LONRF1: variants seen among roughly 807,000 people sequenced by gnomAD.
The protein encoded by LONRF1 is LON peptidase N-terminal domain and RING finger protein 1.
In LONRF1, 37 loss-of-function variants were observed where a neutral mutation model predicts 85.8. The observed-to-expected ratio is 0.43, with a 90% confidence interval of 0.33 to 0.57. LONRF1 has a LOEUF of 0.57. Among genes scored for constraint, LONRF1 ranks in the 20% least tolerant of loss-of-function variants. LONRF1 has a pLI of 0.04. For synonymous variants in LONRF1, 517 were observed against 390.1 expected (o/e 1.33, Z -3.83); for missense variants, 1,036 against 978.0 (o/e 1.06, Z -0.79).
chr8:12,735,087 T>C (rs1322683592), intron 7 of LONRF1, among the ~76,000 whole-genome samples, 199 bp downstream of exon 7: 1 of 152,178 alleles, frequency 6.6e-6, no homozygotes, highest in Non-Finnish European at 1.5e-5. Context: ...CTTCAGCATC[T>C]GTCTTCTTTC....
At chr8:12,753,453 C>G (rs1426002262) in intron 1 of LONRF1, 3 of 152,174 alleles carry the variant, frequency 2.0e-5, no homozygotes, top group Admixed American at 6.5e-5. Flanking sequence ...ACGCGTAACA[C>G]AAGGTTTATC....
At chr8:12,735,605 C>G (rs945898502) in intron 6 of LONRF1, 9 of 527,742 alleles carry the variant, frequency 1.7e-5, no homozygotes, top group African/African-American at 1.3e-4. Flanking sequence ...GGCCTCCTGC[C>G]AAAGGCCTAG....
At chr8:12,724,531 G>A (rs1032381340) in intron 11 of LONRF1, among the ~76,000 whole-genome samples, 2 of 152,082 alleles carry the variant, frequency 1.3e-5, no homozygotes, top group Non-Finnish European at 2.9e-5. Context: ...TACATCCTAC[G>A]TCAAACCCTT....
chr8:12,754,336 C>G (rs1466934012), intron 1 of LONRF1: 1 of 177,712 alleles, frequency 5.6e-6, no homozygotes. Context: ...AGGAAGCGAG[C>G]GGCCGCTCGG....
chr8:12,751,613 C>G (rs1406030903), intron 1 of LONRF1, among the ~76,000 whole-genome samples: 1 of 151,114 alleles, frequency 6.6e-6, no homozygotes, highest in African/African-American at 2.4e-5. Context: ...TCAAGCATTA[C>G]AGAATTAATA....
In LONRF1 at chr8:12,728,890, T is replaced by G; in HGVS notation, c.2010+11A>C. ...TACGAAAGTATGCTGGCAAAGCACA[T>G]TTTAAAATACCTTAACATCTTCCAG... On this transcript the variant is annotated intron_variant, in intron 10 of 11. Transcript: ENST00000398246. 6.2e-7 allele frequency: 1 copy of G among 1,613,664 alleles called. No homozygotes were observed. Among genetic ancestry groups the G allele is most frequent in the Non-Finnish European group, 8.5e-7 (1 of 1,179,664 alleles).
At chr8:12,751,294 A>ATGTTTTTTTTTTGTTTGTTTTT (rs1554469320) in intron 1 of LONRF1, among the ~76,000 whole-genome samples, 28 of 84,814 alleles carry the variant, frequency 3.3e-4, no homozygotes, top group African/African-American at 1.1e-3. Flanking sequence ...TTTTATTTTT[A>ATGTTTTTTTTTTGTTTGTTTTT]TGTTTTTTTT....
intron 1 of LONRF1, among the ~76,000 whole-genome samples, chr8:12,749,209 C>T (rs952708373): frequency 5.3e-5 from 8 of 152,080 alleles, no homozygotes; most frequent in African/African-American, 1.9e-4. Flanking sequence ...ATACAAGATA[C>T]AGAAGAGTAT....
chr8:12,733,586 A>G (rs1379385357), intron 7 of LONRF1, among the ~76,000 whole-genome samples: 2 of 152,106 alleles, frequency 1.3e-5, no homozygotes, highest in African/African-American at 2.4e-5. Context: ...TCAGTGACAG[A>G]TATATAATAT....
chr8:12,725,597 G>A, intron 11 of LONRF1, 130 bp downstream of exon 11: 3 of 801,884 alleles, frequency 3.7e-6, no homozygotes, highest in Middle Eastern at 2.5e-4. Flanking sequence ...GATGAGGTGG[G>A]GCTGGTGCGG....
intron 1 of LONRF1, among the ~76,000 whole-genome samples, chr8:12,748,621 T>C (rs1461530164): frequency 6.6e-6 from 1 of 152,214 alleles, no homozygotes; most frequent in African/African-American, 2.4e-5. Flanking sequence ...AAATTAAAAA[T>C]AGCATCGTAA....
intron 8 of LONRF1, among the ~76,000 whole-genome samples, chr8:12,729,829 T>C (rs1798460372): frequency 6.6e-6 from 1 of 152,208 alleles, no homozygotes. Flanking sequence ...TTTGATGAGA[T>C]AACATTTTTT....
chr8:12,743,226 C>G lies in LONRF1; in HGVS notation c.778G>C (p.Glu260Gln). Residue 260 changes from glutamate (E) to glutamine (Q), a missense_variant, in exon 2 of 12, where the codon GAG (glutamate) becomes CAG (glutamine). Around this residue, in one of 3 missense-constraint regions of LONRF1, gnomAD observed 742 missense variants for 614.4 expected, o/e 1.21. Transcript: ENST00000398246. ...YRAESYAGLQ[E>Q]FKAAIEDLNA... ...AAATCTTCTATGGCTGCTTTAAACT[C>G]TTGGAGACCAGCATATGATTCCGCT... The G allele has an allele frequency of 3.7e-6, 6 of 1,613,340 alleles. No individual in the cohort carries two copies. Among genetic ancestry groups the G allele is most frequent in the Non-Finnish European group, 5.1e-6 (6 of 1,179,576 alleles).
chr8:12,747,085 A>G (rs113495637), intron 1 of LONRF1, among the ~76,000 whole-genome samples: 2,575 of 152,304 alleles, frequency 0.017, 86 homozygotes, highest in African/African-American at 0.059. Flanking sequence ...TGTTTCCTGA[A>G]TTAGAAAAAA....
rs918044876 is a variant in LONRF1, at chr8:12,739,999, T to C, written c.963+875A>G. Among the ~76,000 whole-genome samples, 63 of 152,286 alleles carry C rather than the reference T, an allele frequency of 4.1e-4. 4 individuals carry two copies. Among genetic ancestry groups the C allele is most frequent in the East Asian group, 2.5e-3 (13 of 5,182 alleles). Reference sequence around the variant, plus strand: ...TGCTTCAGGGTACAAAAACATCTCCTGGGATGCTTCTTAAATGACTGCTCC... The same window carrying C: ...TGCTTCAGGGTACAAAAACATCTCCCGGGATGCTTCTTAAATGACTGCTCC... On this transcript the variant is annotated intron_variant, in intron 3 of 11. Transcript: ENST00000398246.
chr8:12,735,326 T>C lies in LONRF1; in HGVS notation c.1526A>G (p.His509Arg), dbSNP rs1798677221. The C allele has an allele frequency of 6.2e-7, 1 of 1,607,760 alleles. No homozygotes were observed. Among genetic ancestry groups the C allele is most frequent in the Admixed American group, 1.7e-5 (1 of 59,422 alleles). ...TTTGCAAAGAGGACAATATGGTGCA[T>C]GATCTAAACAACGCTCAAGACAATT... Reference protein sequence around the residue: ...CKNCLERCLDHAPYCPLCKES... With the variant: ...CKNCLERCLDRAPYCPLCKES... The change falls in exon 7 of 12, where the codon CAT becomes CGT. Residue 509 changes from histidine (H) to arginine (R), a missense_variant. By Grantham distance (29) the His-to-Arg change is conservative. Around this residue, in one of 3 missense-constraint regions of LONRF1, gnomAD observed 29 missense variants for 62.1 expected, o/e 0.47. Transcript: ENST00000398246.
At chr8:12,737,425 C>A (rs1289029349) in intron 4 of LONRF1, 13 of 575,788 alleles carry the variant, frequency 2.3e-5, no homozygotes, top group Non-Finnish European at 4.2e-5. Flanking sequence ...TGTCATTATT[C>A]CCTAGACAAT....
chr8:12,734,899 T>G (rs917796944), intron 7 of LONRF1, among the ~76,000 whole-genome samples: 5 of 152,190 alleles, frequency 3.3e-5, no homozygotes, highest in South Asian at 2.1e-4. Flanking sequence ...AACAAAGTTG[T>G]TCTAGATGTT....
At chr8:12,742,545 T>C (rs1197780415) in intron 2 of LONRF1, among the ~76,000 whole-genome samples, 1 of 152,220 alleles carries the variant, frequency 6.6e-6, no homozygotes, top group Admixed American at 6.5e-5. Context: ...CTCTTTCCAT[T>C]AATAAATCTC....
Sources: gnomAD v4.1 joint callset for allele counts (sites outside exome capture counted in the v4.1 genomes callset) on GRCh38, gnomAD v4.1.1 for gene constraint, gnomAD v4.1.1 regional missense constraint, MANE v1.5 for transcripts, NCBI Gene and HGNC (gene_info 2026-07-23, HGNC 2026-07-21) for gene names.